The following EPB41L3 variants were observed in gnomAD, a reference collection of about 807,000 sequenced individuals.
EPB41L3 encodes erythrocyte membrane protein band 4.1 like 3.
A neutral mutation model predicts 127.1 loss-of-function variants in EPB41L3; 57 were observed. The observed-to-expected ratio is 0.45, with a 90% CI of 0.36 to 0.56. The LOEUF (loss-of-function observed/expected upper bound fraction) is 0.56. Among genes scored for constraint, EPB41L3 ranks in the 20% least tolerant of loss-of-function variants. The probability of loss-of-function intolerance (pLI) is 0.00; values close to 1 mark genes in which losing one functional copy is unlikely to be tolerated. For missense variants in EPB41L3, 1,273 were observed against 1,372.2 expected (o/e 0.93, Z 1.14); for synonymous variants, 572 against 549.5 (o/e 1.04, Z -0.57).
intron 8 of EPB41L3, among the ~76,000 whole-genome samples, chr18:5,430,439 G>A (rs1330628563): frequency 1.3e-5 from 2 of 151,896 alleles, no homozygotes; most frequent in Non-Finnish European, 2.9e-5. Flanking sequence ...GCACAAACGA[G>A]TGCAGTTTTA....
chr18:5,470,644 C>A (rs1166197317), intron 3 of EPB41L3, among the ~76,000 whole-genome samples: 1 of 152,214 alleles, frequency 6.6e-6, no homozygotes, highest in Non-Finnish European at 1.5e-5. Flanking sequence ...GTCAAACAGA[C>A]TTATGTCCGG....
At chr18:5,592,161 TAATTTTTA>T (rs1187587908) in intron 3 of EPB41L3, among the ~76,000 whole-genome samples, 6 of 152,212 alleles carry the variant, frequency 3.9e-5, no homozygotes, top group East Asian at 1.9e-4. Context: ...ATTATTTTGT[TAATTTTTA>T]AATTTTTATT....
At chr18:5,474,045 C>A (rs573762616) in intron 3 of EPB41L3, among the ~76,000 whole-genome samples, 1 of 151,946 alleles carries the variant, frequency 6.6e-6, no homozygotes, top group Non-Finnish European at 1.5e-5. Context: ...TCTTGGCTAA[C>A]GTGGTGAAAC....
rs76497244 is a variant in EPB41L3 at position 5,485,968 on chromosome 18, C to G, written c.183+3033G>C. On this transcript the variant is annotated intron_variant, in intron 2 of 22. Coordinates refer to ENST00000341928, the MANE Select transcript of EPB41L3 (RefSeq NM_012307.5). ...AATGTAACAAAATACCTATGACACTCTTCACAGAATTAGAAAAAATGTCCT... is the reference window on the plus strand; with the variant it reads ...AATGTAACAAAATACCTATGACACTGTTCACAGAATTAGAAAAAATGTCCT... 8.6e-3 allele frequency among the ~76,000 whole-genome samples: 1,306 copies of G among 152,142 alleles called. 17 individuals carry two copies. Among genetic ancestry groups the G allele is most frequent in the African/African-American group, 0.028 (1,172 of 41,520 alleles).
At chr18:5,536,817 T>C (rs913656954) in intron 1 of EPB41L3, among the ~76,000 whole-genome samples, 1 of 151,908 alleles carries the variant, frequency 6.6e-6, no homozygotes, top group African/African-American at 2.4e-5. Context: ...GGCAACAGAG[T>C]GAGACTCTGT....
intron 1 of EPB41L3, among the ~76,000 whole-genome samples, chr18:5,537,484 G>A (rs2093607437): frequency 6.6e-6 from 1 of 152,078 alleles, no homozygotes; most frequent in Non-Finnish European, 1.5e-5. Context: ...ATTAACTAAA[G>A]ACCATCTGTC....
Position 5,543,894 on chromosome 18 carries a change from C to G in EPB41L3, c.-12+19G>C, listed in dbSNP as rs1386200941. 1 of 984,830 alleles carries G rather than the reference C, an allele frequency of 1.0e-6. No homozygotes were observed. The highest frequency in any genetic ancestry group is 1.2e-6 in the Non-Finnish European group (1 of 829,916). 61.0% of individuals were successfully genotyped at this position (984,830 alleles called of 1,614,324 possible). ...GAGACCCCCTCGCAGTCCCCCACTC[C>G]GAGAGGCGGAAAAGTTACCTGGGAT... On this transcript the variant is annotated intron_variant, in intron 1 of 22. Transcript: ENST00000341928. The surrounding 1 kb of genome is among the most constrained non-coding windows in gnomAD (Gnocchi z 5.2).
intron 2 of EPB41L3, among the ~76,000 whole-genome samples, chr18:5,481,779 G>C (rs1311734076): frequency 1.3e-5 from 2 of 152,102 alleles, no homozygotes; most frequent in Non-Finnish European, 2.9e-5. Context: ...ACATTGCCAG[G>C]ATAATCCCTC....
At chr18:5,439,959 T>C (rs1214763450) in intron 5 of EPB41L3, among the ~76,000 whole-genome samples, 1 of 152,184 alleles carries the variant, frequency 6.6e-6, no homozygotes, top group Non-Finnish European at 1.5e-5. Flanking sequence ...AATTATACAA[T>C]CTTATAATAA....
At chr18:5,548,766 G>C (rs772638178), upstream of EPB41L3, among the ~76,000 whole-genome samples, 2 of 152,126 alleles carry the variant, frequency 1.3e-5, no homozygotes, top group Non-Finnish European at 2.9e-5. Flanking sequence ...AAAATCCACT[G>C]AGAATGTTTT....
intron 12 of EPB41L3, among the ~76,000 whole-genome samples, chr18:5,417,748 T>C (rs1275596167): frequency 6.6e-6 from 1 of 152,198 alleles, no homozygotes; most frequent in African/African-American, 2.4e-5. Context: ...GGGTCTCTTT[T>C]TACGATGAGA....
At chr18:5,605,823 T>C (rs773373602) in intron 3 of EPB41L3, among the ~76,000 whole-genome samples, 4 of 152,124 alleles carry the variant, frequency 2.6e-5, no homozygotes, top group African/African-American at 9.7e-5. Context: ...CACCAGATGC[T>C]GTAAGAGTAC....
At chr18:5,575,393 G>A (rs751848935) in intron 3 of EPB41L3, among the ~76,000 whole-genome samples, 2 of 151,964 alleles carry the variant, frequency 1.3e-5, no homozygotes, top group African/African-American at 2.4e-5. Flanking sequence ...ATGAATTCTC[G>A]CCCCTGTTTG....
At chr18:5,566,777 CTATTCTATTCT>C (rs2094209775) in intron 3 of EPB41L3, among the ~76,000 whole-genome samples, 6 of 146,986 alleles carry the variant, frequency 4.1e-5, no homozygotes, top group African/African-American at 5.1e-5. Context: ...CTATTCTATT[CTATTCTATTCT>C]ATTCCATTCC....
At chr18:5,551,650 A>G (rs1785388) in intron 3 of EPB41L3, among the ~76,000 whole-genome samples, 35,573 of 151,682 alleles carry the variant, frequency 0.23, 5,680 homozygotes, top group African/African-American at 0.46. Context: ...AGCCTGGGAG[A>G]TTGAGGCTGC....
chr18:5,403,551 T>TTA (rs1330369980), intron 16 of EPB41L3, among the ~76,000 whole-genome samples: 2 of 151,302 alleles, frequency 1.3e-5, no homozygotes, highest in East Asian at 3.9e-4. Context: ...CAAGAAATCT[T>TTA]TAGTTTTTTT....
intron 1 of EPB41L3, among the ~76,000 whole-genome samples, chr18:5,525,873 C>T (rs533568503): frequency 1.7e-4 from 26 of 151,992 alleles, no homozygotes; most frequent in South Asian, 4.2e-4. Flanking sequence ...TTGCAGGAAC[C>T]CTTGTACTTC....
rs780460761 is a variant in EPB41L3 at position 5,394,691 on chromosome 18, C to A, written c.3256G>T (p.Glu1086Ter). The A allele has an allele frequency of 6.8e-6, 11 of 1,614,024 alleles. No individual in the cohort carries two copies. The Admixed American group carries it at 1.8e-4, about 27-fold the overall frequency. The change falls in exon 22 of 23, where the codon GAG (glutamate) becomes TAG (stop). Residue 1086 changes from glutamate (E) to a stop codon, truncating the protein, a stop_gained. Coordinates refer to ENST00000341928, the MANE Select transcript of EPB41L3 (RefSeq NM_012307.5). LOFTEE classifies it high-confidence loss of function. ...KETEITPEDGED is the reference protein window; with the variant it reads ...KETEITPEDG Reference sequence around the variant, plus strand: ...TCACCTCTTACCTCTGGTCAATCCTCTCCATCTTCTGGTGTGATCTCTGTC... The same window carrying A: ...TCACCTCTTACCTCTGGTCAATCCTATCCATCTTCTGGTGTGATCTCTGTC...
chr18:5,533,695 C>T (rs903887596), intron 1 of EPB41L3, among the ~76,000 whole-genome samples: 2 of 152,324 alleles, frequency 1.3e-5, no homozygotes, highest in Non-Finnish European at 2.9e-5. Context: ...CAACTGAAGA[C>T]ATATTAAGAG....
Sources: gnomAD v4.1 joint callset for allele counts (sites outside exome capture counted in the v4.1 genomes callset) on GRCh38, gnomAD v4.1.1 for gene constraint, Gnocchi (gnomAD v3.1) non-coding constraint, MANE v1.5 for transcripts, NCBI Gene and HGNC (gene_info 2026-07-23, HGNC 2026-07-21) for gene names.